The following DDTL variants were observed in gnomAD, a reference collection of about 807,000 sequenced individuals.
DDTL encodes the protein D-dopachrome tautomerase like.
Under a neutral mutation model 1.1 loss-of-function variants are expected in DDTL, and 1 was observed. The ratio of observed to expected loss-of-function variants is 0.91; its 90% CI spans 0.32 to 4.31. The LOEUF (loss-of-function observed/expected upper bound fraction) is 4.31, where lower values mean the gene tolerates loss of function less well. DDTL is among the 30% of genes most tolerant of loss of function. DDTL has a pLI of 0.17. For missense variants in DDTL, 54 were observed against 48.9 expected, an observed-to-expected ratio of 1.10 and a Z score of -0.31; for synonymous variants, 21 against 16.6, an observed-to-expected ratio of 1.26 and a Z score of -0.64.
At position 23,972,263 on chromosome 22, in the gene DDTL, C is replaced by A; in HGVS notation, c.*857C>A. The A allele has an allele frequency of 3.1e-6, 3 of 955,578 alleles. No individual in the cohort carries two copies. The highest frequency in any genetic ancestry group is 3.7e-6 in the Non-Finnish European group (3 of 804,860). 59.2% of individuals were successfully genotyped at this position (955,578 alleles called of 1,614,324 possible). A position where few individuals can be genotyped will look rare whatever the true frequency, so the allele number is the denominator to read the frequency against. On this transcript the variant is annotated 3_prime_UTR_variant, in exon 3 of 3. Coordinates refer to ENST00000215770, the MANE Select transcript of DDTL (RefSeq NM_001084393.2). The stretch of plus-strand genomic sequence containing the variant: ...CAAATGGGATCATGAGTGTAAAGTA[C>A]CTGTAGAGGACCTAGCACATGGTAA...
rs1362318915 is a variant in DDTL at position 23,971,309 on chromosome 22, G to C, written c.308G>C (p.Ser103Thr). The C allele has an allele frequency of 1.2e-6, 2 of 1,613,760 alleles. No individual in the cohort carries two copies. The highest frequency in any genetic ancestry group is 1.7e-6 in the Non-Finnish European group (2 of 1,179,890). Reference protein sequence around the residue: ...QDRFPTVLSTSPAAHGGPRCP... With the variant: ...QDRFPTVLSTTPAAHGGPRCP... The stretch of plus-strand genomic sequence containing the variant: ...AGGTTCCCTACGGTCTTATCCACCA[G>C]CCCTGCTGCCCATGGTGGCCCCAGA... The change falls in exon 3 of 3, where the codon AGC becomes ACC. Residue 103 changes from serine (S) to threonine (T), a missense_variant. Transcript: ENST00000215770.
intron 2 of DDTL, among the ~76,000 whole-genome samples, chr22:23,970,729 T>C (rs1193931722): frequency 4.6e-5 from 7 of 151,964 alleles, no homozygotes; most frequent in Non-Finnish European, 1.0e-4. Flanking sequence ...TGTCCATGAG[T>C]GTGTAAGTGT....
intron 2 of DDTL, chr22:23,969,901 G>C (rs1249424388): frequency 1.0e-6 from 1 of 981,532 alleles, no homozygotes; most frequent in East Asian, 1.1e-4. Context: ...TCCCAGTGCT[G>C]TGTAGGTGGC....
At chr22:23,969,311 G>A (rs2033857697) in intron 2 of DDTL, 3 of 985,378 alleles carry the variant, frequency 3.0e-6, no homozygotes, top group South Asian at 4.7e-5. Context: ...TTAGTGGTGG[G>A]GGGGCCACCC....
At position 23,970,988 on chromosome 22, in the gene DDTL, CCAACCCCCAAAGGGACACAGG is replaced by C. The variant is rs536359298; in HGVS notation, c.285-290_285-270del. On this transcript the variant is annotated intron_variant, in intron 2 of 2. Coordinates refer to ENST00000215770, the MANE Select transcript of DDTL (RefSeq NM_001084393.2). ...GACCCTGCTTCTGGAAAACCAGCGA[CCAACCCCCAAAGGGACACAGG>C]CAACCCCTGCCTCCACTCTACAGTG... Among the ~76,000 whole-genome samples, 474 of 151,184 alleles carry C rather than the reference CCAACCCCCAAAGGGACACAGG, an allele frequency of 3.1e-3. 6 individuals carry two copies. The highest frequency in any genetic ancestry group is 0.031 in the East Asian group (159 of 5,168).
Position 23,972,017 on chromosome 22 carries a change from C to T in DDTL, c.*611C>T, listed in dbSNP as rs920749313. On this transcript the variant is annotated 3_prime_UTR_variant, in exon 3 of 3. Coordinates refer to ENST00000215770, the MANE Select transcript of DDTL (RefSeq NM_001084393.2). The stretch of plus-strand genomic sequence containing the variant: ...CAGGGTGACCCCCCACCCCACCAAC[C>T]CCGCCACTAATGTCTGGGCCATAAG... 2 of 320,970 alleles carry T rather than the reference C, an allele frequency of 6.2e-6. No individual in the cohort carries two copies. Among genetic ancestry groups the T allele is most frequent in the African/African-American group, 2.2e-5 (1 of 44,722 alleles). 19.9% of individuals were successfully genotyped at this position (320,970 alleles called of 1,614,324 possible).
chr22:23,969,683 G>A (rs975891695), intron 2 of DDTL: 2 of 979,162 alleles, frequency 2.0e-6, no homozygotes, highest in Non-Finnish European at 2.4e-6. Flanking sequence ...GCCCAGCATG[G>A]TGGCATGAGC....
chr22:23,970,440 CTGTGTGTGACGGGGAGTA>C (rs1189601078), intron 2 of DDTL, among the ~76,000 whole-genome samples: 2 of 151,556 alleles, frequency 1.3e-5, no homozygotes, highest in African/African-American at 2.4e-5. Context: ...AATTGTGTGC[CTGTGTGTGACGGGGAGTA>C]TGTGTGTGTG....
At position 23,971,812 on chromosome 22, in the gene DDTL, T is replaced by C; in HGVS notation, c.*406T>C. On this transcript the variant is annotated 3_prime_UTR_variant, in exon 3 of 3. Coordinates refer to ENST00000215770, the MANE Select transcript of DDTL (RefSeq NM_001084393.2). Reference sequence around the variant, plus strand: ...AGCAGGGCAGTGGGACACTCAGGTGTGGGAGGTAGCCGCACATCATGACCC... The same window carrying C: ...AGCAGGGCAGTGGGACACTCAGGTGCGGGAGGTAGCCGCACATCATGACCC... The C allele has an allele frequency of 1.6e-6, 1 of 616,130 alleles. No homozygotes were observed. The highest frequency in any genetic ancestry group is 2.0e-5 in the South Asian group (1 of 50,062). The allele number at this position is 616,130 out of a possible 1,614,324, so 38.2% of individuals were successfully genotyped here. A position where few individuals can be genotyped will look rare whatever the true frequency, so the allele number is the denominator to read the frequency against.
rs770541331 is a variant in DDTL, at chr22:23,971,405, G to A, written c.404G>A (p.Ter135=). The change falls in exon 3 of 3, where the codon TGA becomes TAA. Residue 135 remains the stop codon, a stop_retained_variant. Coordinates refer to ENST00000215770, the MANE Select transcript of DDTL (RefSeq NM_001084393.2). The part of the protein sequence containing the change: ...NEEALFIYFI[*] ...GAAGCTCTCTTCATTTATTTCATAT[G>A]AGGATGAAGAAGAGGATTATGTGAT... The A allele has an allele frequency of 3.1e-6, 5 of 1,613,200 alleles. No individual in the cohort carries two copies. The highest frequency in any genetic ancestry group is 1.6e-4 in the Middle Eastern group (1 of 6,074).
At chr22:23,970,141 G>T (rs1258321102) in intron 2 of DDTL, among the ~76,000 whole-genome samples, 3 of 152,194 alleles carry the variant, frequency 2.0e-5, no homozygotes, top group Admixed American at 2.0e-4. Context: ...GCATGGGAAG[G>T]GGACGCTGAG....
Position 23,971,500 on chromosome 22 carries a change from C to T in DDTL, c.*94C>T. The T allele has an allele frequency of 6.2e-7, 1 of 1,610,940 alleles. No homozygotes were observed. ...AGGCCCTCACTCTGCCAAGAGATCT[C>T]TCTGGAAGAAGCAGCCAGTTCACAG... On this transcript the variant is annotated 3_prime_UTR_variant, in exon 3 of 3. Coordinates refer to ENST00000215770, the MANE Select transcript of DDTL (RefSeq NM_001084393.2).
rs749759884 is a variant in DDTL at position 23,971,296 on chromosome 22, G to A, written c.295G>A (p.Val99Ile). 6.2e-7 allele frequency: 1 copy of A among 1,613,598 alleles called. No homozygotes were observed. Among genetic ancestry groups the A allele is most frequent in the South Asian group, 1.1e-5 (1 of 91,020 alleles). Reference sequence around the variant, plus strand: ...ATCATCCCCCTCCAGGTTCCCTACGGTCTTATCCACCAGCCCTGCTGCCCA... The same window carrying A: ...ATCATCCCCCTCCAGGTTCCCTACGATCTTATCCACCAGCCCTGCTGCCCA... ...LALGQDRFPT[V>I]LSTSPAAHGG... is the part of the protein sequence containing the mutation. Residue 99 changes from valine to isoleucine, a missense_variant, in exon 3 of 3, where the codon GTC becomes ATC. By Grantham distance (29) the Val-to-Ile change is conservative. Transcript: ENST00000215770.
Position 23,971,368 on chromosome 22 carries a change from T to C in DDTL, c.367T>C (p.Cys123Arg), listed in dbSNP as rs756565324. The C allele has an allele frequency of 1.2e-6, 2 of 1,614,072 alleles. No homozygotes were observed. Among genetic ancestry groups the C allele is most frequent in the East Asian group, 2.2e-5 (1 of 44,882 alleles). The part of the protein sequence containing the change: ...PGEIIEGKKS[C>R]LNEEALFIYF... ...AGAGATAATAGAAGGTAAGAAGTCA[T>C]GTTTGAATGAGGAAGCTCTCTTCAT... Residue 123 changes from cysteine to arginine, a missense_variant, in exon 3 of 3, where the codon TGT (cysteine) becomes CGT (arginine). By Grantham distance (180) the Cys-to-Arg change is radical. Transcript: ENST00000215770.
In DDTL at chr22:23,971,394, T is replaced by G. The variant is rs755557553; in HGVS notation, c.393T>G (p.Ile131Met). The change falls in exon 3 of 3, where the codon ATT (isoleucine) becomes ATG (methionine). Residue 131 changes from isoleucine to methionine, a missense_variant. Physicochemically the swap from Ile to Met is conservative, Grantham distance 10. Coordinates refer to ENST00000215770, the MANE Select transcript of DDTL (RefSeq NM_001084393.2). ...KSCLNEEALF[I>M]YFI ...GTTTGAATGAGGAAGCTCTCTTCATTTATTTCATATGAGGATGAAGAAGAG... is the reference window on the plus strand; with the variant it reads ...GTTTGAATGAGGAAGCTCTCTTCATGTATTTCATATGAGGATGAAGAAGAG... The G allele has an allele frequency of 6.8e-6, 11 of 1,613,652 alleles. No homozygotes were observed. The highest frequency in any genetic ancestry group is 9.3e-6 in the Non-Finnish European group (11 of 1,179,784).
rs1353483021 is a variant in DDTL, at chr22:23,971,881, G to A, written c.*475G>A. On this transcript the variant is annotated 3_prime_UTR_variant, in exon 3 of 3. Coordinates refer to ENST00000215770, the MANE Select transcript of DDTL (RefSeq NM_001084393.2). Reference sequence around the variant, plus strand: ...ATACAGTAGCCTCGGTGTGTGTGCCGTACACTCTATCATCTCCATCAGTTT... The same window carrying A: ...ATACAGTAGCCTCGGTGTGTGTGCCATACACTCTATCATCTCCATCAGTTT... 18 of 462,924 alleles carry A rather than the reference G, an allele frequency of 3.9e-5. 1 individual carries two copies. The highest frequency in any genetic ancestry group is 2.9e-4 in the East Asian group (7 of 24,420). The allele number at this position is 462,924 out of a possible 1,614,324, so 28.7% of individuals were successfully genotyped here.
intron 2 of DDTL, chr22:23,969,205 T>G: frequency 1.0e-6 from 1 of 985,440 alleles, no homozygotes; most frequent in Non-Finnish European, 1.2e-6. Flanking sequence ...CTCTTCATAC[T>G]CCCCCGCCCT....
At chr22:23,970,209 G>A (rs1294772686) in intron 2 of DDTL, among the ~76,000 whole-genome samples, 5 of 152,284 alleles carry the variant, frequency 3.3e-5, no homozygotes, top group African/African-American at 1.2e-4. Context: ...CTGGCTTTTG[G>A]CCATGTGACT....
chr22:23,969,201 A>C (rs2033855963), intron 2 of DDTL: 1 of 985,358 alleles, frequency 1.0e-6, no homozygotes, highest in African/African-American at 1.7e-5. Context: ...AAGGCTCTTC[A>C]TACTCCCCCG....
Sources: allele counts gnomAD v4.1 joint callset (sites outside exome capture counted in the v4.1 genomes callset), GRCh38; gene constraint gnomAD v4.1.1; transcripts MANE v1.5; gene names NCBI Gene and HGNC (gene_info 2026-07-23, HGNC 2026-07-21).